The following SPIRE1 variants were observed in gnomAD, a reference collection of about 807,000 sequenced individuals.
SPIRE1 encodes spire type actin nucleation factor 1, also known as protein spire homolog 1.
In SPIRE1, 40 loss-of-function variants were observed where a neutral mutation model predicts 94.1. The observed-to-expected ratio is 0.43, with a 90% confidence interval of 0.33 to 0.55. SPIRE1 has a LOEUF of 0.55. Among genes scored for constraint, SPIRE1 ranks in the 20% least tolerant of loss-of-function variants. SPIRE1 has a pLI of 0.06. For missense variants in SPIRE1, 838 were observed against 975.2 expected (o/e 0.86, Z 1.87); for synonymous variants, 376 against 371.7 (o/e 1.01, Z -0.13).
At chr18:12,626,291 G>C (rs961493283) in intron 2 of SPIRE1, among the ~76,000 whole-genome samples, 1 of 152,138 alleles carries the variant, frequency 6.6e-6, no homozygotes, top group African/African-American at 2.4e-5. Context: ...CGAGGTCCAA[G>C]AGACTATGAT....
chr18:12,456,859 A>G (rs1249301569), intron 12 of SPIRE1, among the ~76,000 whole-genome samples: 1 of 152,180 alleles, frequency 6.6e-6, no homozygotes, highest in East Asian at 1.9e-4. Flanking sequence ...TCGTTTTGAG[A>G]CAAGGTCTCG....
intron 1 of SPIRE1, among the ~76,000 whole-genome samples, chr18:12,644,074 C>G (rs1432487566): frequency 1.3e-5 from 2 of 150,886 alleles, no homozygotes; most frequent in Non-Finnish European, 2.9e-5. Context: ...TGGCACATGC[C>G]TGTAGTCTCA....
At chr18:12,611,184 T>C (rs139023953) in intron 2 of SPIRE1, among the ~76,000 whole-genome samples, 9 of 152,328 alleles carry the variant, frequency 5.9e-5, no homozygotes, top group African/African-American at 2.2e-4. Flanking sequence ...TACCCTCAAA[T>C]TTCCTGCTCT....
In SPIRE1 at chr18:12,461,423, T is replaced by TGTGTATGTATGTATATACATAC. The variant is rs757938765; in HGVS notation, c.1638+1927_1638+1928insGTATGTATATACATACATACAC. The stretch of plus-strand genomic sequence containing the variant: ...TTACCTATACACATGTATGTGTGTG[T>TGTGTATGTATGTATATACATAC]GTGTGTATGTATGTATATACATACA... On this transcript the variant is annotated intron_variant, in intron 12 of 16. Coordinates refer to ENST00000409402, the MANE Select transcript of SPIRE1 (RefSeq NM_001128626.2). Among the ~76,000 whole-genome samples, 15 of 143,804 alleles carry TGTGTATGTATGTATATACATAC rather than the reference T, an allele frequency of 1.0e-4. 1 individual carries two copies. In the East Asian group the frequency reaches 2.4e-3, roughly 23 times the overall value. The allele number at this position is 143,804 out of a possible 152,430, so 94.3% of individuals were successfully genotyped here. A position where few individuals can be genotyped will look rare whatever the true frequency, so the allele number is the denominator to read the frequency against.
chr18:12,462,959 A>G (rs1477288576), intron 12 of SPIRE1, among the ~76,000 whole-genome samples: 1 of 152,102 alleles, frequency 6.6e-6, no homozygotes, highest in African/African-American at 2.4e-5. Context: ...GCAATGGTGT[A>G]GTCATAGCTC....
rs1330513681 is a variant in SPIRE1, at chr18:12,529,670, T to A, written c.729+5806A>T. Among the ~76,000 whole-genome samples the A allele has an allele frequency of 2.0e-5, 3 of 152,186 alleles. No homozygotes were observed. The East Asian group carries it at 5.8e-4, about 29-fold the overall frequency. On this transcript the variant is annotated intron_variant, in intron 4 of 16. Transcript: ENST00000409402. ...AGTTAACTGTATTAGACATCTTATC[T>A]CTCAAAGATCAAAATGTTTGAAATA...
intron 2 of SPIRE1, among the ~76,000 whole-genome samples, chr18:12,594,073 C>T (rs1055005194): frequency 2.6e-5 from 4 of 152,080 alleles, no homozygotes; most frequent in East Asian, 3.9e-4. Flanking sequence ...TAATATAGTC[C>T]GGGAAACGAT....
At chr18:12,632,337 C>T (rs1036742842) in intron 2 of SPIRE1, among the ~76,000 whole-genome samples, 1 of 152,126 alleles carries the variant, frequency 6.6e-6, no homozygotes, top group South Asian at 2.1e-4. Flanking sequence ...CTGGCTCACG[C>T]ACTCCAGGCT....
In SPIRE1 at chr18:12,447,304, C is replaced by A. The variant is rs496485; in HGVS notation, c.*2334G>T. The A allele has an allele frequency of 0.73, 111,407 of 152,036 alleles. 41,376 individuals carry two copies. The highest frequency in any genetic ancestry group is 0.91 in the Middle Eastern group (267 of 294). The allele number at this position is 152,036 out of a possible 1,614,324, so 9.4% of individuals were successfully genotyped here. ...TAAAACTGAACAAGAAACCAGGACA[C>A]GGAAGGAAGAACTGGAAGCTATGCC... On this transcript the variant is annotated 3_prime_UTR_variant, in exon 17 of 17. Coordinates refer to ENST00000409402, the MANE Select transcript of SPIRE1 (RefSeq NM_001128626.2).
In SPIRE1 at chr18:12,559,397, G is replaced by A. The variant is rs2035620476; in HGVS notation, c.373-12493C>T. Among the ~76,000 whole-genome samples, 1 of 152,194 alleles carries A rather than the reference G, an allele frequency of 6.6e-6. No homozygotes were observed. ...GCAGCTCTGAGTGCTGGCCGGGCGA[G>A]ACTGCACCCACCCGGAACTCGTGCT... On this transcript the variant is annotated intron_variant, in intron 2 of 16. Coordinates refer to ENST00000409402, the MANE Select transcript of SPIRE1 (RefSeq NM_001128626.2). This position sits in a 1 kb window ranked among gnomAD's most constrained non-coding sequence, Gnocchi z 4.7.
intron 1 of SPIRE1, among the ~76,000 whole-genome samples, chr18:12,657,222 G>A (rs1162314600): frequency 6.8e-6 from 1 of 147,792 alleles, no homozygotes; most frequent in Non-Finnish European, 1.5e-5. Flanking sequence ...AACGCGCCGC[G>A]GGCAGCTGTC....
chr18:12,626,887 T>TATATATATATATATATATATATATA (rs1555634099), intron 2 of SPIRE1, among the ~76,000 whole-genome samples: 1 of 53,520 alleles, frequency 1.9e-5, no homozygotes, highest in African/African-American at 4.5e-5. Context: ...TATATATATA[T>TATATATATATATATATATATATATA]TTTTTTTTTT....
At chr18:12,548,786 T>C (rs1417210298) in intron 2 of SPIRE1, among the ~76,000 whole-genome samples, 1 of 152,048 alleles carries the variant, frequency 6.6e-6, no homozygotes, top group Admixed American at 6.6e-5. Context: ...CTAATTTTTT[T>C]TGGAATTTTT....
chr18:12,557,526 T>C (rs2035551828), intron 2 of SPIRE1, among the ~76,000 whole-genome samples: 2 of 151,900 alleles, frequency 1.3e-5, no homozygotes, highest in Admixed American at 1.3e-4. Flanking sequence ...CACACCTCTC[T>C]CTCCATACCT....
chr18:12,502,774 G>A (rs935998845), intron 6 of SPIRE1, among the ~76,000 whole-genome samples: 2 of 151,970 alleles, frequency 1.3e-5, no homozygotes, highest in Non-Finnish European at 2.9e-5. Flanking sequence ...CTATTAATAG[G>A]GGGCTGGGTA....
chr18:12,554,296 CAAA>C (rs35637714), intron 2 of SPIRE1, among the ~76,000 whole-genome samples: 1 of 56,360 alleles, frequency 1.8e-5, no homozygotes, highest in Non-Finnish European at 3.9e-5. Context: ...AGACTCTGTT[CAAA>C]AAAAAAAAAA....
chr18:12,552,753 C>G (rs2035389854), intron 2 of SPIRE1, among the ~76,000 whole-genome samples: 1 of 152,140 alleles, frequency 6.6e-6, no homozygotes, highest in Non-Finnish European at 1.5e-5. Flanking sequence ...CGTGGACCCC[C>G]TTAGAGTTGT....
chr18:12,622,325 A>G (rs2144746530), intron 2 of SPIRE1, among the ~76,000 whole-genome samples: 1 of 152,368 alleles, frequency 6.6e-6, no homozygotes, highest in African/African-American at 2.4e-5. Context: ...CAGCAGATGA[A>G]CAATACATAA....
intron 2 of SPIRE1, among the ~76,000 whole-genome samples, chr18:12,599,946 A>C (rs139318383): frequency 4.4e-4 from 67 of 152,174 alleles, no homozygotes; most frequent in Non-Finnish European, 8.1e-4. Context: ...TTACAAATAC[A>C]TGATTATATT....
Sources: allele counts gnomAD v4.1 joint callset (sites outside exome capture counted in the v4.1 genomes callset), GRCh38; gene constraint gnomAD v4.1.1; non-coding constraint Gnocchi (gnomAD v3.1); transcripts MANE v1.5; gene names NCBI Gene and HGNC (gene_info 2026-07-23, HGNC 2026-07-21).